GFRA2: variants seen among roughly 807,000 people sequenced by gnomAD.
The protein encoded by GFRA2 is GDNF family receptor alpha 2.
Under a neutral mutation model 48.3 loss-of-function variants are expected in GFRA2, and 17 were observed. The ratio of observed to expected loss-of-function variants is 0.35; its 90% CI spans 0.24 to 0.53. The LOEUF is 0.53. GFRA2 is among the 20% of genes least tolerant of loss of function. GFRA2 has a pLI of 0.93. For synonymous variants in GFRA2, 305 were observed against 257.2 expected, an observed-to-expected ratio of 1.19 and a Z score of -1.78; for missense variants, 660 against 637.3, an observed-to-expected ratio of 1.04 and a Z score of -0.38.
intron 1 of GFRA2, among the ~76,000 whole-genome samples, chr8:21,808,144 G>A (rs1016414361): frequency 3.3e-5 from 5 of 152,110 alleles, no homozygotes; most frequent in Non-Finnish European, 5.9e-5. Context: ...CACATCCTCC[G>A]AAATTGGTAG....
intron 4 of GFRA2, among the ~76,000 whole-genome samples, chr8:21,725,088 G>C (rs1010834988): frequency 6.6e-6 from 1 of 152,180 alleles, no homozygotes; most frequent in Non-Finnish European, 1.5e-5. Context: ...GATTTGCAGG[G>C]GGCAGCAGCA....
intron 4 of GFRA2, among the ~76,000 whole-genome samples, chr8:21,727,751 T>C (rs892752323): frequency 2.6e-5 from 4 of 152,190 alleles, no homozygotes; most frequent in African/African-American, 9.6e-5. Flanking sequence ...AGGCCAATCA[T>C]CTGTCCTCTC....
At chr8:21,766,148 C>A (rs965289322) in intron 3 of GFRA2, among the ~76,000 whole-genome samples, 2 of 152,136 alleles carry the variant, frequency 1.3e-5, no homozygotes, top group African/African-American at 4.8e-5. Context: ...CCTCCACGTG[C>A]AGGACCCCAC....
chr8:21,738,969 T>G (rs1287844490), intron 4 of GFRA2, among the ~76,000 whole-genome samples: 3 of 152,176 alleles, frequency 2.0e-5, no homozygotes, highest in Non-Finnish European at 4.4e-5. Context: ...CTCCGTGCTG[T>G]GAAGAACATG....
chr8:21,739,711 A>G (rs1440698502), intron 4 of GFRA2, among the ~76,000 whole-genome samples: 1 of 151,782 alleles, frequency 6.6e-6, no homozygotes, highest in Admixed American at 6.5e-5. Flanking sequence ...CTGCCACGGG[A>G]AAGGCCACAT....
At position 21,782,815 on chromosome 8, in the gene GFRA2, C is replaced by T. The variant is rs1223106462; in HGVS notation, c.125G>A (p.Arg42Gln). 23 of 1,575,686 alleles carry T rather than the reference C, an allele frequency of 1.5e-5. No individual in the cohort carries two copies. The highest frequency in any genetic ancestry group is 1.8e-5 in the Non-Finnish European group (21 of 1,166,778). The change falls in exon 2 of 9, where the codon CGG becomes CAG. Residue 42 changes from arginine to glutamine, a missense_variant. Physicochemically the swap from Arg to Gln is conservative, Grantham distance 43. Transcript: ENST00000524240. ...HGWRPPVDCV[R>Q]ANELCAAESN... Reference sequence around the variant, plus strand: ...TTCGGCGGCACACAGCTCATTGGCCCGGACACAGTCCACTGGGGGGCGCCA... The same window carrying T: ...TTCGGCGGCACACAGCTCATTGGCCTGGACACAGTCCACTGGGGGGCGCCA...
At chr8:21,776,972 C>T (rs1250123168) in intron 2 of GFRA2, among the ~76,000 whole-genome samples, 2 of 152,170 alleles carry the variant, frequency 1.3e-5, no homozygotes, top group Non-Finnish European at 2.9e-5. Context: ...ATCACTTTTA[C>T]AATAAAAATA....
chr8:21,741,986 T>C (rs987548105), intron 4 of GFRA2, among the ~76,000 whole-genome samples: 1 of 150,592 alleles, frequency 6.6e-6, no homozygotes, highest in Non-Finnish European at 1.5e-5. Flanking sequence ...AATGAGAATA[T>C]TTAAAAACAG....
chr8:21,812,164 T>C (rs1807993435), intron 1 of GFRA2: 2 of 152,164 alleles, frequency 1.3e-5, no homozygotes, highest in African/African-American at 2.4e-5. Context: ...AAGCAGGCAG[T>C]CCTGGGACAG....
In GFRA2 at chr8:21,750,048, T is replaced by C. The variant is rs1026922348; in HGVS notation, c.794+540A>G. Among the ~76,000 whole-genome samples the C allele has an allele frequency of 6.6e-6, 1 of 151,684 alleles. No individual in the cohort carries two copies. Among genetic ancestry groups the C allele is most frequent in the African/African-American group, 2.4e-5 (1 of 41,190 alleles). On this transcript the variant is annotated intron_variant, in intron 4 of 8. Coordinates refer to ENST00000524240, the MANE Select transcript of GFRA2 (RefSeq NM_001495.5). The surrounding 1 kb of genome is among the most constrained non-coding windows in gnomAD (Gnocchi z 5.7). ...CTGAAATTTAGCTCTATATAATATA[T>C]GTAAGTATATATATGTGTATATATG...
At chr8:21,702,462 C>G (rs867418872) in intron 7 of GFRA2, among the ~76,000 whole-genome samples, 18 of 152,250 alleles carry the variant, frequency 1.2e-4, no homozygotes, top group Middle Eastern at 3.4e-3. Flanking sequence ...CACTGTTGAC[C>G]CTAGGAGCCT....
chr8:21,785,942 A>G (rs1807247541), intron 1 of GFRA2, among the ~76,000 whole-genome samples: 1 of 152,154 alleles, frequency 6.6e-6, no homozygotes, highest in Admixed American at 6.5e-5. Context: ...CCTGCCAGGA[A>G]AAGGGCCCCA....
rs78202806 is a variant in GFRA2 at position 21,721,519 on chromosome 8, G to A, written c.795-15478C>T. Among the ~76,000 whole-genome samples the A allele has an allele frequency of 5.8e-3, 879 of 152,306 alleles. 7 individuals are homozygous for A. The highest frequency in any genetic ancestry group is 0.02 in the African/African-American group (835 of 41,558). Reference sequence around the variant, plus strand: ...CAAAGGAAGTCAGAGACGAGGAGGAGGATTTGGGTCAAAACGCCCGCTGCA... The same window carrying A: ...CAAAGGAAGTCAGAGACGAGGAGGAAGATTTGGGTCAAAACGCCCGCTGCA... On this transcript the variant is annotated intron_variant, in intron 4 of 8. Coordinates refer to ENST00000524240, the MANE Select transcript of GFRA2 (RefSeq NM_001495.5).
At chr8:21,700,964 G>A (rs1207594862) in intron 7 of GFRA2, among the ~76,000 whole-genome samples, 1 of 152,178 alleles carries the variant, frequency 6.6e-6, no homozygotes, top group African/African-American at 2.4e-5. Context: ...CCAAGCTAGG[G>A]GAGCTGAGAG....
Position 21,702,994 on chromosome 8 carries a change from G to C in GFRA2, c.1046-17C>G. On this transcript the variant is annotated splice_polypyrimidine_tract_variant and intron_variant, in intron 6 of 8. Transcript: ENST00000524240. Reference sequence around the variant, plus strand: ...TGGCGTTCCCTGGGATGGGGGTGAGGGCAGATGCAGAGAAGTCAGAACCCA... The same window carrying C: ...TGGCGTTCCCTGGGATGGGGGTGAGCGCAGATGCAGAGAAGTCAGAACCCA... 1 of 1,482,782 alleles carries C rather than the reference G, an allele frequency of 6.7e-7. No homozygotes were observed. The highest frequency in any genetic ancestry group is 8.9e-7 in the Non-Finnish European group (1 of 1,118,512). 91.9% of individuals were successfully genotyped at this position (1,482,782 alleles called of 1,614,324 possible).
intron 3 of GFRA2, among the ~76,000 whole-genome samples, chr8:21,771,150 C>T (rs1156931148): frequency 1.3e-5 from 2 of 152,090 alleles, no homozygotes; most frequent in Non-Finnish European, 2.9e-5. Flanking sequence ...ATCACATGTC[C>T]ATCTTACACA....
At chr8:21,763,077 A>C (rs1805989070) in intron 3 of GFRA2, among the ~76,000 whole-genome samples, 1 of 152,224 alleles carries the variant, frequency 6.6e-6, no homozygotes, top group Admixed American at 6.5e-5. Flanking sequence ...AGTCCACATC[A>C]ACTCATGACC....
In GFRA2 at chr8:21,706,009, C is replaced by A; in HGVS notation, c.827G>T (p.Arg276Leu). ...SRLADFHANC[R>L]ASYQTVTSCP... is the part of the protein sequence containing the mutation. ...GCTGGTGACCGTCTGGTAGGAGGCT[C>A]GACAATTGGCATGGAAGTCGGCCAG... Residue 276 changes from arginine (R) to leucine (L), a missense_variant, in exon 5 of 9, where the codon CGA (arginine) becomes CTA (leucine). Arg to Leu is a moderately radical substitution (Grantham distance 102). Coordinates refer to ENST00000524240, the MANE Select transcript of GFRA2 (RefSeq NM_001495.5). The A allele has an allele frequency of 6.3e-7, 1 of 1,578,472 alleles. No individual in the cohort carries two copies. Among genetic ancestry groups the A allele is most frequent in the Non-Finnish European group, 8.6e-7 (1 of 1,161,830 alleles).
At chr8:21,768,775 C>G (rs1806302262) in intron 3 of GFRA2, among the ~76,000 whole-genome samples, 1 of 152,164 alleles carries the variant, frequency 6.6e-6, no homozygotes, top group African/African-American at 2.4e-5. Context: ...GACCCGAGAC[C>G]CCTAATCAGG....
Sources: gnomAD v4.1 joint callset for allele counts (sites outside exome capture counted in the v4.1 genomes callset) on GRCh38, gnomAD v4.1.1 for gene constraint, Gnocchi (gnomAD v3.1) non-coding constraint, MANE v1.5 for transcripts, NCBI Gene and HGNC (gene_info 2026-07-23, HGNC 2026-07-21) for gene names.